TPCN1: variants seen among roughly 807,000 people sequenced by gnomAD.
The protein encoded by TPCN1 is two pore segment channel 1.
A neutral mutation model predicts 108.8 loss-of-function variants in TPCN1; 52 were observed. The observed-to-expected ratio is 0.48, with a 90% CI of 0.38 to 0.60. The LOEUF (loss-of-function observed/expected upper bound fraction) is 0.60. Among genes scored for constraint, TPCN1 ranks in the 20% least tolerant of loss-of-function variants. The probability of loss-of-function intolerance (pLI) is 0.00; values close to 1 mark genes in which losing one functional copy is unlikely to be tolerated. For missense variants in TPCN1, 806 were observed against 1,072.8 expected (o/e 0.75, Z 3.47); for synonymous variants, 446 against 433.7 (o/e 1.03, Z -0.35).
At chr12:113,293,651 T>C (rs1593220153) in intron 27 of TPCN1, among the ~76,000 whole-genome samples, 2 of 150,282 alleles carry the variant, frequency 1.3e-5, no homozygotes, top group Admixed American at 6.6e-5. Flanking sequence ...AACTCAAACA[T>C]GTGTACTAAG....
chr12:113,241,851 C>T (rs971278601), intron 2 of TPCN1, among the ~76,000 whole-genome samples: 24 of 150,994 alleles, frequency 1.6e-4, no homozygotes, highest in South Asian at 4.2e-4. Flanking sequence ...TTTTTTAAAG[C>T]GTCTAAAACA....
intron 27 of TPCN1, among the ~76,000 whole-genome samples, chr12:113,294,877 T>G (rs1956377128): frequency 1.3e-5 from 2 of 152,140 alleles, no homozygotes. Flanking sequence ...TTTCTGGCAT[T>G]CTAATAGCTT....
chr12:113,255,117 GACA>G (rs1443197287), intron 2 of TPCN1, among the ~76,000 whole-genome samples: 3 of 152,190 alleles, frequency 2.0e-5, no homozygotes, highest in Admixed American at 6.5e-5. Flanking sequence ...CTTATTCTCA[GACA>G]ACATGATCTT....
At chr12:113,270,089 C>T (rs1043555711) in intron 7 of TPCN1, among the ~76,000 whole-genome samples, 7 of 151,806 alleles carry the variant, frequency 4.6e-5, no homozygotes, top group African/African-American at 9.7e-5. Flanking sequence ...CCAGCTGCTT[C>T]GGAGGCTGAG....
chr12:113,296,138 T>C lies in TPCN1; in HGVS notation c.*62T>C. On this transcript the variant is annotated 3_prime_UTR_variant, in exon 28 of 28. Coordinates refer to ENST00000335509, the MANE Select transcript of TPCN1 (RefSeq NM_017901.6). ...ACAATAGTATTACTCTACTGCGATG[T>C]ACGGAACTGCGGTGTGTGTACACAT... 6.3e-7 allele frequency: 1 copy of C among 1,587,232 alleles called. No homozygotes were observed. The highest frequency in any genetic ancestry group is 8.6e-7 in the Non-Finnish European group (1 of 1,161,338).
intron 13 of TPCN1, 52 bp from the exon 14 acceptor site, chr12:113,278,720 G>T: frequency 2.0e-6 from 3 of 1,512,534 alleles, no homozygotes; most frequent in African/African-American, 1.4e-5. Flanking sequence ...CTCCAGGCAG[G>T]GCCCTGGTCC....
intron 2 of TPCN1, among the ~76,000 whole-genome samples, chr12:113,251,503 C>T (rs911905452): frequency 2.6e-5 from 4 of 152,248 alleles, no homozygotes; most frequent in Non-Finnish European, 2.9e-5. Flanking sequence ...AACACTGCTA[C>T]GTGTCTGCCC....
intron 2 of TPCN1, among the ~76,000 whole-genome samples, chr12:113,229,752 A>G (rs1239505972): frequency 6.6e-6 from 1 of 152,120 alleles, no homozygotes; most frequent in Non-Finnish European, 1.5e-5. Flanking sequence ...TCGGCCTCCC[A>G]AAGTGCTAGG....
intron 2 of TPCN1, among the ~76,000 whole-genome samples, chr12:113,239,010 T>G (rs184437424): frequency 2.0e-5 from 3 of 152,198 alleles, no homozygotes; most frequent in Admixed American, 6.5e-5. Flanking sequence ...GGTGCACACC[T>G]GTAGTCTCAG....
In TPCN1 at chr12:113,232,609, T is replaced by C. The variant is rs1593075483; in HGVS notation, c.112+5645T>C. Among the ~76,000 whole-genome samples, 1 of 152,166 alleles carries C rather than the reference T, an allele frequency of 6.6e-6. No individual in the cohort carries two copies. The highest frequency in any genetic ancestry group is 1.9e-4 in the East Asian group (1 of 5,198). On this transcript the variant is annotated intron_variant, in intron 2 of 27. Coordinates refer to ENST00000335509, the MANE Select transcript of TPCN1 (RefSeq NM_017901.6). The surrounding 1 kb of genome is among the most constrained non-coding windows in gnomAD (Gnocchi z 5.6). ...GCTTTTGTCACTTGTGATACCATGG[T>C]GAGTGGAGTGGTTGAGCTGAGTATA...
rs1023530817 is a variant in TPCN1 at position 113,272,166 on chromosome 12, G to A, written c.749-492G>A. On this transcript the variant is annotated intron_variant, in intron 7 of 27. Transcript: ENST00000335509. This position sits in a 1 kb window ranked among gnomAD's most constrained non-coding sequence, Gnocchi z 4.1. ...AGAGTTCCTCCCTTTTCCCACTCAG[G>A]ATTTCAGGGACTCAGGGAGTGGTCC... 3.9e-5 allele frequency among the ~76,000 whole-genome samples: 6 copies of A among 152,202 alleles called. No individual in the cohort carries two copies. The highest frequency in any genetic ancestry group is 7.3e-5 in the Non-Finnish European group (5 of 68,038).
chr12:113,222,960 C>T (rs539163867), intron 1 of TPCN1, among the ~76,000 whole-genome samples: 21 of 152,304 alleles, frequency 1.4e-4, no homozygotes, highest in Admixed American at 3.3e-4. Context: ...AGGAAGTTCA[C>T]GTATATATTC....
intron 27 of TPCN1, among the ~76,000 whole-genome samples, chr12:113,295,133 A>C (rs990720635): frequency 6.6e-6 from 1 of 152,108 alleles, no homozygotes; most frequent in African/African-American, 2.4e-5. Context: ...GTGCAGCAGC[A>C]CCCATTCAGG....
At chr12:113,278,522 G>A (rs1032752030) in intron 13 of TPCN1, among the ~76,000 whole-genome samples, 1 of 152,224 alleles carries the variant, frequency 6.6e-6, no homozygotes, top group African/African-American at 2.4e-5. Context: ...TGTCTTACCT[G>A]GGAAGTGGCG....
chr12:113,235,112 G>A (rs539773825), intron 2 of TPCN1, among the ~76,000 whole-genome samples: 2 of 152,360 alleles, frequency 1.3e-5, no homozygotes, highest in Admixed American at 1.3e-4. Context: ...GAACAGGTCA[G>A]GCAGTCTCCT....
At position 113,278,253 on chromosome 12, in the gene TPCN1, A is replaced by G; in HGVS notation, c.1233+16A>G. ...GAAGTGGAAGGTGAGTTCTTCTCTG[A>G]GACCATAGAAGGAGTAGACAGAGAG... On this transcript the variant is annotated intron_variant, in intron 13 of 27. Coordinates refer to ENST00000335509, the MANE Select transcript of TPCN1 (RefSeq NM_017901.6). The G allele has an allele frequency of 6.2e-7, 1 of 1,612,496 alleles. No homozygotes were observed. Among genetic ancestry groups the G allele is most frequent in the Non-Finnish European group, 8.5e-7 (1 of 1,178,636 alleles).
chr12:113,265,759 A>G (rs972573653), intron 3 of TPCN1, among the ~76,000 whole-genome samples: 4 of 151,384 alleles, frequency 2.6e-5, no homozygotes, highest in Admixed American at 6.6e-5. Flanking sequence ...TGGCCTCCCA[A>G]AGTGTTGGGA....
intron 3 of TPCN1, among the ~76,000 whole-genome samples, chr12:113,261,195 A>C (rs1955016772): frequency 6.6e-6 from 1 of 152,162 alleles, no homozygotes; most frequent in African/African-American, 2.4e-5. Context: ...AAAACAAACA[A>C]AAAATTTTGT....
chr12:113,254,210 C>T (rs767792508), intron 2 of TPCN1, among the ~76,000 whole-genome samples: 2 of 152,202 alleles, frequency 1.3e-5, no homozygotes, highest in African/African-American at 2.4e-5. Context: ...AGAAAGAAAA[C>T]TTCAGGCCCA....
Sources: gnomAD v4.1 joint callset for allele counts (sites outside exome capture counted in the v4.1 genomes callset) on GRCh38, gnomAD v4.1.1 for gene constraint, Gnocchi (gnomAD v3.1) non-coding constraint, MANE v1.5 for transcripts, NCBI Gene and HGNC (gene_info 2026-07-23, HGNC 2026-07-21) for gene names.